The following RSRC1 variants were observed in gnomAD, a reference collection of about 807,000 sequenced individuals.
RSRC1 encodes the protein arginine and serine rich coiled-coil 1.
In RSRC1, 39 loss-of-function variants were observed where a neutral mutation model predicts 49.1. The observed-to-expected ratio is 0.79, with a 90% CI of 0.61 to 1.04. The LOEUF (loss-of-function observed/expected upper bound fraction) is 1.04, where lower values mean the gene tolerates loss of function less well. Ranked by LOEUF, RSRC1 falls within the 50% of genes least tolerant of loss-of-function variation. The pLI is 0.00. For missense variants in RSRC1, 388 were observed against 402.4 expected, an observed-to-expected ratio of 0.96 and a Z score of 0.31; for synonymous variants, 143 against 130.8, an observed-to-expected ratio of 1.09 and a Z score of -0.63.
chr3:158,324,487 G>A (rs2108176193), intron 5 of RSRC1, among the ~76,000 whole-genome samples: 1 of 152,182 alleles, frequency 6.6e-6, no homozygotes, highest in South Asian at 2.1e-4. Context: ...GAGGTGTTTG[G>A]TTTTTTGTTC....
chr3:158,377,145 A>G (rs944846680), intron 6 of RSRC1, among the ~76,000 whole-genome samples: 6 of 152,034 alleles, frequency 3.9e-5, no homozygotes, highest in African/African-American at 1.4e-4. Context: ...TTTTCTCTTT[A>G]TGGTTCTCAT....
chr3:158,132,293 A>T (rs1716085755), intron 3 of RSRC1: 1 of 172,816 alleles, frequency 5.8e-6, no homozygotes, highest in Non-Finnish European at 1.3e-5. Context: ...GATCATTTAA[A>T]TTATTATTTC....
At chr3:158,456,618 T>C (rs1011103816) in intron 6 of RSRC1, among the ~76,000 whole-genome samples, 3 of 152,124 alleles carry the variant, frequency 2.0e-5, no homozygotes, top group Admixed American at 2.0e-4. Context: ...GGACAAAGGT[T>C]GTTGATTGGG....
chr3:158,463,108 G>A (rs550957879), intron 7 of RSRC1, among the ~76,000 whole-genome samples: 18 of 152,112 alleles, frequency 1.2e-4, no homozygotes, highest in South Asian at 4.2e-4. Context: ...AGCTTGCAAC[G>A]GGATTCCAAA....
At chr3:158,359,409 T>C (rs1243611524) in intron 6 of RSRC1, among the ~76,000 whole-genome samples, 1 of 152,176 alleles carries the variant, frequency 6.6e-6, no homozygotes, top group Non-Finnish European at 1.5e-5. Flanking sequence ...TTCATCTTGA[T>C]TTTTGTAGAC....
intron 6 of RSRC1, among the ~76,000 whole-genome samples, chr3:158,454,668 C>T (rs1301870535): frequency 1.3e-5 from 2 of 152,048 alleles, no homozygotes; most frequent in Non-Finnish European, 2.9e-5. Context: ...TTAACCAATT[C>T]CTCTACTTAA....
chr3:158,125,583 T>C (rs1426221272), intron 3 of RSRC1, among the ~76,000 whole-genome samples: 2 of 152,214 alleles, frequency 1.3e-5, no homozygotes, highest in Non-Finnish European at 2.9e-5. Flanking sequence ...TTCGAAAAGA[T>C]ACTTGCTATG....
chr3:158,496,722 T>C, intron 7 of RSRC1: 1 of 282,428 alleles, frequency 3.5e-6, no homozygotes, highest in East Asian at 8.5e-5. Context: ...GTGATGAGCC[T>C]GTGTATGTCA....
At chr3:158,267,993 A>G (rs1406682990) in intron 4 of RSRC1, among the ~76,000 whole-genome samples, 2 of 150,870 alleles carry the variant, frequency 1.3e-5, no homozygotes, top group Non-Finnish European at 2.9e-5. Context: ...CTTCCTTCCT[A>G]TAGGTACTGT....
intron 5 of RSRC1, among the ~76,000 whole-genome samples, chr3:158,298,564 T>A (rs963251427): frequency 6.6e-6 from 1 of 152,110 alleles, no homozygotes; most frequent in Admixed American, 6.6e-5. Context: ...TATAAAATAA[T>A]TGAGATGCAA....
intron 6 of RSRC1, 89 bp downstream of exon 6, chr3:158,354,997 A>AC: frequency 1.2e-6 from 1 of 819,086 alleles, no homozygotes; most frequent in Non-Finnish European, 1.8e-6. Flanking sequence ...TAAAAAAAAA[A>AC]ACACTATTTT....
intron 4 of RSRC1, among the ~76,000 whole-genome samples, chr3:158,222,192 C>G (rs1040415685): frequency 6.6e-6 from 1 of 151,458 alleles, no homozygotes; most frequent in African/African-American, 2.4e-5. Context: ...TTGTGGGGGA[C>G]TATGCTGATA....
intron 5 of RSRC1, among the ~76,000 whole-genome samples, chr3:158,345,561 G>A (rs1730505713): frequency 6.6e-6 from 1 of 151,898 alleles, no homozygotes; most frequent in Admixed American, 6.6e-5. Context: ...AAGAAAAAAG[G>A]ACAACTTTAT....
intron 6 of RSRC1, among the ~76,000 whole-genome samples, chr3:158,451,990 TGATGATTGTTACAAAGCAA>T (rs531175906): frequency 2.6e-4 from 40 of 152,212 alleles, no homozygotes; most frequent in Non-Finnish European, 5.0e-4. Flanking sequence ...AGGCATATCT[TGATGATTGTTACAAAGCAA>T]GAGACTTTTT....
chr3:158,438,767 T>G (rs966351135), intron 6 of RSRC1, among the ~76,000 whole-genome samples: 1 of 152,158 alleles, frequency 6.6e-6, no homozygotes, highest in Non-Finnish European at 1.5e-5. Flanking sequence ...GGGCAAGGAC[T>G]TCATGTCTAA....
At chr3:158,209,958 T>A (rs915364107) in intron 4 of RSRC1, among the ~76,000 whole-genome samples, 5 of 152,158 alleles carry the variant, frequency 3.3e-5, no homozygotes, top group African/African-American at 7.2e-5. Flanking sequence ...TAGAGTTTCA[T>A]GTAATAAATT....
chr3:158,177,437 A>C (rs990782121), intron 3 of RSRC1, among the ~76,000 whole-genome samples: 1 of 152,212 alleles, frequency 6.6e-6, no homozygotes, highest in African/African-American at 2.4e-5. Context: ...TGTGGCACAT[A>C]TACACCATTG....
intron 7 of RSRC1, among the ~76,000 whole-genome samples, chr3:158,530,737 C>G (rs1174549794): frequency 6.6e-6 from 1 of 151,676 alleles, no homozygotes; most frequent in Non-Finnish European, 1.5e-5. Context: ...CAAAGCCACA[C>G]AGCTGGTACA....
intron 5 of RSRC1, among the ~76,000 whole-genome samples, chr3:158,324,235 A>AT (rs10632209): frequency 0.6 from 91,219 of 150,886 alleles, 27,785 homozygotes; most frequent in East Asian, 0.74. Context: ...CATTGTGCAA[A>AT]TTTTTTTTTT....
Sources: gnomAD v4.1 joint callset for allele counts (sites outside exome capture counted in the v4.1 genomes callset) on GRCh38, gnomAD v4.1.1 for gene constraint, MANE v1.5 for transcripts, NCBI Gene and HGNC (gene_info 2026-07-23, HGNC 2026-07-21) for gene names.